The following NCOA1 variants were observed in gnomAD, a reference collection of about 807,000 sequenced individuals.
NCOA1 encodes the protein nuclear receptor coactivator 1.
Under a neutral mutation model 150.9 loss-of-function variants are expected in NCOA1, and 35 were observed. The ratio of observed to expected loss-of-function variants is 0.23; its 90% CI spans 0.18 to 0.31. The LOEUF (loss-of-function observed/expected upper bound fraction) is 0.31, where lower values mean the gene tolerates loss of function less well. Ranked by LOEUF, NCOA1 falls within the 10% of genes least tolerant of loss-of-function variation. The pLI, the probability that NCOA1 is intolerant of heterozygous loss-of-function variation, is 1.00. For synonymous variants in NCOA1, 590 were observed against 630.0 expected, an observed-to-expected ratio of 0.94 and a Z score of 0.95; for missense variants, 1,491 against 1,749.3, an observed-to-expected ratio of 0.85 and a Z score of 2.63.
chr2:24,764,847 T>G (rs901570292), intron 22 of NCOA1, among the ~76,000 whole-genome samples: 1 of 152,194 alleles, frequency 6.6e-6, no homozygotes, highest in Non-Finnish European at 1.5e-5. Flanking sequence ...ATTAGAAGAC[T>G]GGGTTCACAG....
intron 14 of NCOA1, among the ~76,000 whole-genome samples, chr2:24,721,819 CTT>C (rs1188852798): frequency 3.0e-4 from 46 of 152,312 alleles, no homozygotes; most frequent in Admixed American, 2.7e-3. Context: ...TGGAAAATCT[CTT>C]TCTCCTGTTG....
chr2:24,549,032 C>T lies in NCOA1; in HGVS notation c.-395-15263C>T, dbSNP rs1235843978. Reference sequence around the variant, plus strand: ...CTGTGTGTGGGGGCTCTGACCCCCACATTTCCCTTCTGCACTGCCCTAACA... The same window carrying T: ...CTGTGTGTGGGGGCTCTGACCCCCATATTTCCCTTCTGCACTGCCCTAACA... On this transcript the variant is annotated intron_variant, in intron 1 of 22. Coordinates refer to ENST00000348332, the MANE Select transcript of NCOA1 (RefSeq NM_003743.5). Among the ~76,000 whole-genome samples the T allele has an allele frequency of 2.6e-5, 4 of 152,294 alleles. No homozygotes were observed. The East Asian group carries it at 5.8e-4, about 22-fold the overall frequency.
At chr2:24,667,016 A>G (rs1671462017) in intron 6 of NCOA1, among the ~76,000 whole-genome samples, 1 of 152,170 alleles carries the variant, frequency 6.6e-6, no homozygotes, top group Admixed American at 6.5e-5. Context: ...GTGATTTTAC[A>G]CTGCAAAGTT....
intron 2 of NCOA1, among the ~76,000 whole-genome samples, chr2:24,572,979 G>T (rs1216934736): frequency 6.6e-6 from 1 of 152,128 alleles, no homozygotes; most frequent in African/African-American, 2.4e-5. Context: ...ATCTAATCAT[G>T]AAATGAAATG....
At chr2:24,599,737 T>C (rs998399924) in intron 3 of NCOA1, among the ~76,000 whole-genome samples, 9 of 150,642 alleles carry the variant, frequency 6.0e-5, no homozygotes, top group Non-Finnish European at 1.2e-4. Context: ...TTTTTTTTTT[T>C]TTTTTTTGAG....
chr2:24,504,096 C>T (rs1040401317), intron 1 of NCOA1, among the ~76,000 whole-genome samples: 1 of 152,120 alleles, frequency 6.6e-6, no homozygotes, highest in Admixed American at 6.6e-5. Flanking sequence ...TAGATGGAGA[C>T]TTGTACCACA....
chr2:24,560,513 G>A (rs193247329), intron 1 of NCOA1, among the ~76,000 whole-genome samples: 1 of 152,218 alleles, frequency 6.6e-6, no homozygotes, highest in East Asian at 1.9e-4. Context: ...ACTACTTAGA[G>A]TGCTTGACAA....
chr2:24,683,025 C>T lies in NCOA1; in HGVS notation c.429C>T (p.Tyr143=), dbSNP rs779517002. ...IVFVSENVTS[Y]LGYNQEELMN... is the part of the protein sequence containing the mutation. ...TTGTGTCAGAGAATGTAACCAGCTACTTAGGTTACAATCAGGAGGAATTAA... is the reference window on the plus strand; with the variant it reads ...TTGTGTCAGAGAATGTAACCAGCTATTTAGGTTACAATCAGGAGGAATTAA... Residue 143 remains tyrosine (Y), a synonymous_variant, in exon 8 of 23, where the codon TAC becomes TAT. Coordinates refer to ENST00000348332, the MANE Select transcript of NCOA1 (RefSeq NM_003743.5). 4 of 1,608,532 alleles carry T rather than the reference C, an allele frequency of 2.5e-6. No individual in the cohort carries two copies. Among genetic ancestry groups the T allele is most frequent in the Admixed American group, 3.4e-5 (2 of 59,134 alleles).
At chr2:24,695,906 A>C (rs919369247) in intron 10 of NCOA1, among the ~76,000 whole-genome samples, 2 of 152,144 alleles carry the variant, frequency 1.3e-5, no homozygotes, top group Non-Finnish European at 2.9e-5. Flanking sequence ...ACATGAACAC[A>C]CACATGCATA....
chr2:24,648,453 A>G (rs910621683), intron 4 of NCOA1, among the ~76,000 whole-genome samples: 2 of 152,030 alleles, frequency 1.3e-5, no homozygotes, highest in African/African-American at 2.4e-5. Context: ...TTGTATTTTT[A>G]GTAGAGACGG....
chr2:24,533,386 C>G (rs1471094290), intron 1 of NCOA1, among the ~76,000 whole-genome samples: 2 of 152,198 alleles, frequency 1.3e-5, no homozygotes, highest in East Asian at 3.8e-4. Flanking sequence ...ATCATGTCAT[C>G]TGAGAATAGA....
chr2:24,550,384 C>T (rs909658307), intron 1 of NCOA1, among the ~76,000 whole-genome samples: 1 of 152,206 alleles, frequency 6.6e-6, no homozygotes, highest in Non-Finnish European at 1.5e-5. Context: ...TACATTTCCA[C>T]GTGGCTGGGG....
At chr2:24,534,510 C>T (rs1481189216) in intron 1 of NCOA1, among the ~76,000 whole-genome samples, 1 of 151,310 alleles carries the variant, frequency 6.6e-6, no homozygotes, top group Non-Finnish European at 1.5e-5. Context: ...TTTGTTTGCT[C>T]TTGCTTCTCT....
At chr2:24,594,314 A>C (rs780853299) in intron 3 of NCOA1, among the ~76,000 whole-genome samples, 8 of 152,158 alleles carry the variant, frequency 5.3e-5, no homozygotes, top group Non-Finnish European at 5.9e-5. Flanking sequence ...GGTATCGTTC[A>C]ACTGAAAAGA....
chr2:24,728,518 A>G (rs994384211), intron 16 of NCOA1, 42 bp downstream of exon 16: 8 of 1,537,308 alleles, frequency 5.2e-6, no homozygotes, highest in Non-Finnish European at 7.1e-6. Flanking sequence ...TGGAGCCCTA[A>G]GAAGCTAGAA....
chr2:24,593,045 A>C (rs1667725307), intron 3 of NCOA1, among the ~76,000 whole-genome samples: 2 of 152,110 alleles, frequency 1.3e-5, no homozygotes, highest in Non-Finnish European at 2.9e-5. Flanking sequence ...CTTTGAATTA[A>C]TGAGGGAAAA....
At chr2:24,618,634 AG>A (rs1421686014) in intron 3 of NCOA1, among the ~76,000 whole-genome samples, 1 of 152,196 alleles carries the variant, frequency 6.6e-6, no homozygotes, top group Admixed American at 6.5e-5. Flanking sequence ...ATTTGAACTC[AG>A]GCCTTCACAA....
intron 4 of NCOA1, among the ~76,000 whole-genome samples, chr2:24,655,388 T>A (rs1670891010): frequency 6.6e-6 from 1 of 152,224 alleles, no homozygotes; most frequent in South Asian, 2.1e-4. Context: ...TTTATTTATA[T>A]GTAGATCATA....
chr2:24,624,864 G>C (rs902337850), intron 3 of NCOA1, among the ~76,000 whole-genome samples: 3 of 152,210 alleles, frequency 2.0e-5, no homozygotes, highest in African/African-American at 7.2e-5. Flanking sequence ...GGAGGAGAAA[G>C]AGTATGTGTA....
Sources: gnomAD v4.1 joint callset for allele counts (sites outside exome capture counted in the v4.1 genomes callset) on GRCh38, gnomAD v4.1.1 for gene constraint, MANE v1.5 for transcripts, NCBI Gene and HGNC (gene_info 2026-07-23, HGNC 2026-07-21) for gene names.